The following CCDC171 variants were observed in gnomAD, a reference collection of about 807,000 sequenced individuals.
The protein encoded by CCDC171 is coiled-coil domain-containing protein 171.
In CCDC171, 177 loss-of-function variants were observed where a neutral mutation model predicts 168.2. The observed-to-expected ratio is 1.05, with a 90% CI of 0.93 to 1.19. The LOEUF (loss-of-function observed/expected upper bound fraction) is 1.19, where lower values mean the gene tolerates loss of function less well. Ranked by LOEUF, CCDC171 falls within the 50% of genes most tolerant of loss-of-function variation. The probability of loss-of-function intolerance (pLI) is 0.00; values close to 1 mark genes in which losing one functional copy is unlikely to be tolerated. For synonymous variants in CCDC171, 687 were observed against 540.8 expected (o/e 1.27, Z -3.75); for missense variants, 1,991 against 1,539.0 (o/e 1.29, Z -4.91).
chr9:15,654,761 G>A (rs983698782), intron 7 of CCDC171, among the ~76,000 whole-genome samples: 6 of 152,278 alleles, frequency 3.9e-5, no homozygotes, highest in African/African-American at 1.4e-4. Flanking sequence ...TTCCAACTCA[G>A]GTACTGGGTT....
chr9:15,867,850 GT>G (rs1379552726), intron 23 of CCDC171, among the ~76,000 whole-genome samples: 1 of 151,964 alleles, frequency 6.6e-6, no homozygotes, highest in Non-Finnish European at 1.5e-5. Flanking sequence ...CTCAAGTATG[GT>G]TTTTTTGTTT....
the CCDC171 span, among the ~76,000 whole-genome samples, chr9:16,093,478 G>A: frequency 1.3e-5 from 2 of 152,232 alleles, no homozygotes; most frequent in African/African-American, 2.4e-5. Context: ...GAAAGGTTGA[G>A]CATCTGAAGA....
At chr9:15,909,423 C>CACGT (rs956907244) in intron 24 of CCDC171, among the ~76,000 whole-genome samples, 1 of 150,388 alleles carries the variant, frequency 6.6e-6, no homozygotes, top group African/African-American at 2.5e-5. Context: ...CACACACACA[C>CACGT]GTGCACATAA....
At chr9:15,581,276 A>G (rs975741682) in intron 4 of CCDC171, among the ~76,000 whole-genome samples, 5 of 152,230 alleles carry the variant, frequency 3.3e-5, no homozygotes, top group African/African-American at 1.2e-4. Context: ...CAAGGAAATA[A>G]GAGAGGACAC....
chr9:15,558,908 G>T (rs2039037579), intron 1 of CCDC171, among the ~76,000 whole-genome samples: 2 of 152,112 alleles, frequency 1.3e-5, no homozygotes, highest in Non-Finnish European at 2.9e-5. Context: ...CTTTGAATGT[G>T]TCCCAGAGAT....
chr9:15,724,741 C>G (rs1452483020), intron 13 of CCDC171, 35 bp from the exon 14 acceptor site: 2 of 1,517,468 alleles, frequency 1.3e-6, no homozygotes, highest in Admixed American at 3.4e-5. Flanking sequence ...GTTGGCTGGC[C>G]TTTCTACAAT....
At chr9:15,649,436 G>T (rs1233752891) in intron 7 of CCDC171, among the ~76,000 whole-genome samples, 2 of 152,162 alleles carry the variant, frequency 1.3e-5, no homozygotes, top group African/African-American at 4.8e-5. Context: ...CACAGCAAAA[G>T]AAGCTACCAT....
At chr9:15,641,389 T>A (rs1288212352) in intron 7 of CCDC171, among the ~76,000 whole-genome samples, 1 of 152,216 alleles carries the variant, frequency 6.6e-6, no homozygotes, top group Non-Finnish European at 1.5e-5. Context: ...CTAAGCTGAA[T>A]ATATTTGGGG....
At chr9:16,079,425 G>T in the CCDC171 span, among the ~76,000 whole-genome samples, 1 of 152,208 alleles carries the variant, frequency 6.6e-6, no homozygotes, top group African/African-American at 2.4e-5. Flanking sequence ...ATAAAGGAGG[G>T]AAATGTGGAG....
chr9:15,656,902 G>A (rs184936461), intron 7 of CCDC171, among the ~76,000 whole-genome samples: 1 of 151,616 alleles, frequency 6.6e-6, no homozygotes, highest in Non-Finnish European at 1.5e-5. Flanking sequence ...CTATGTGTAG[G>A]TTATTATATG....
At chr9:15,675,169 A>T (rs1049154224) in intron 9 of CCDC171, among the ~76,000 whole-genome samples, 13 of 145,214 alleles carry the variant, frequency 9.0e-5, no homozygotes, top group African/African-American at 2.8e-4. Flanking sequence ...TTTATCAGAG[A>T]CTAGGATTGC....
chr9:15,603,675 C>T (rs910124564), intron 6 of CCDC171, among the ~76,000 whole-genome samples: 1 of 152,126 alleles, frequency 6.6e-6, no homozygotes, highest in East Asian at 1.9e-4. Context: ...GGGTTGATTC[C>T]ATCTCTTTGC....
chr9:15,627,098 T>G (rs2045205568), intron 7 of CCDC171, among the ~76,000 whole-genome samples: 1 of 152,226 alleles, frequency 6.6e-6, no homozygotes, highest in African/African-American at 2.4e-5. Flanking sequence ...TCTAGTTTAT[T>G]TGCATAGAGG....
chr9:15,931,891 A>G (rs147848374), intron 25 of CCDC171, among the ~76,000 whole-genome samples: 15 of 151,390 alleles, frequency 9.9e-5, no homozygotes, highest in South Asian at 4.2e-4. Flanking sequence ...CCTCTCCCCA[A>G]TGTGTGTGCT....
chr9:15,871,436 C>G (rs148869279), intron 23 of CCDC171, among the ~76,000 whole-genome samples: 130 of 151,662 alleles, frequency 8.6e-4, no homozygotes, highest in African/African-American at 3.0e-3. Flanking sequence ...ATTCCTAATT[C>G]ACACTAAACT....
At chr9:16,078,087 C>T in the CCDC171 span, among the ~76,000 whole-genome samples, 1 of 131,270 alleles carries the variant, frequency 7.6e-6, no homozygotes, top group Non-Finnish European at 1.6e-5. Context: ...CACACACACA[C>T]ACACACACAC....
upstream of CCDC171, among the ~76,000 whole-genome samples, chr9:16,041,028 G>A (rs73415882): frequency 7.8e-3 from 1,185 of 151,254 alleles, 16 homozygotes; most frequent in African/African-American, 0.028. Flanking sequence ...GCTACTGTGT[G>A]TGTAGCTAAC....
intron 23 of CCDC171, among the ~76,000 whole-genome samples, chr9:15,860,091 C>G (rs1236321019): frequency 6.6e-6 from 1 of 151,394 alleles, no homozygotes; most frequent in East Asian, 1.9e-4. Context: ...ATAGTAGTCT[C>G]TCATGATTCT....
chr9:16,061,551 A>G (rs1217712370), downstream of CCDC171: 2 of 152,178 alleles, frequency 1.3e-5, no homozygotes, highest in Non-Finnish European at 2.9e-5. Context: ...TTTGTAGAAT[A>G]AGAAAAAAGT....
Sources: allele counts gnomAD v4.1 joint callset (sites outside exome capture counted in the v4.1 genomes callset), GRCh38; gene constraint gnomAD v4.1.1; transcripts MANE v1.5; gene names NCBI Gene and HGNC (gene_info 2026-07-23, HGNC 2026-07-21).